Variants in SMAD1 observed in about 807,000 individuals in gnomAD.
The protein encoded by SMAD1 is SMAD family member 1, also known as MAD, mothers against decapentaplegic homolog 1.
A neutral mutation model predicts 41.6 loss-of-function variants in SMAD1; 6 were observed. The ratio of observed to expected loss-of-function variants is 0.14; its 90% CI spans 0.08 to 0.28. The LOEUF (loss-of-function observed/expected upper bound fraction) is 0.28, where lower values mean the gene tolerates loss of function less well. SMAD1 is among the 10% of genes least tolerant of loss of function. The pLI is 1.00. For synonymous variants in SMAD1, 206 were observed against 203.2 expected (o/e 1.01, Z -0.12); for missense variants, 379 against 582.6 (o/e 0.65, Z 3.60).
intron 1 of SMAD1, among the ~76,000 whole-genome samples, chr4:145,505,586 T>G (rs1179920348): frequency 6.7e-6 from 1 of 148,834 alleles, no homozygotes; most frequent in Non-Finnish European, 1.5e-5. Flanking sequence ...GCCACTGCAC[T>G]GCAGCCTGGG....
chr4:145,484,730 C>G (rs1728381525), intron 1 of SMAD1: 1 of 152,172 alleles, frequency 6.6e-6, no homozygotes, highest in African/African-American at 2.4e-5. Context: ...TGATAAGGAC[C>G]TTTGCAGCTC....
At chr4:145,506,953 G>A (rs144778555) in intron 1 of SMAD1, among the ~76,000 whole-genome samples, 160 of 152,214 alleles carry the variant, frequency 1.1e-3, no homozygotes, top group Middle Eastern at 3.4e-3. Context: ...TTAATTAGCC[G>A]TGTCGAGTAG....
intron 1 of SMAD1, among the ~76,000 whole-genome samples, chr4:145,496,357 A>C (rs574545776): frequency 6.6e-6 from 1 of 152,180 alleles, no homozygotes; most frequent in Non-Finnish European, 1.5e-5. Context: ...TTTGTCATCT[A>C]TAAAATAGTT....
chr4:145,495,169 A>G lies in SMAD1; in HGVS notation c.-177+13131A>G, dbSNP rs1728997998. 2.6e-5 allele frequency among the ~76,000 whole-genome samples: 4 copies of G among 152,316 alleles called. No homozygotes were observed. In the South Asian group the frequency reaches 8.3e-4, roughly 32 times the overall value. On this transcript the variant is annotated intron_variant, in intron 1 of 6. Coordinates refer to ENST00000302085, the MANE Select transcript of SMAD1 (RefSeq NM_005900.3). ...AAATAGCTTCTAGTGGGTAGAGGCC[A>G]GGGATGCAGCCAAACATCCTGTAAT...
intron 4 of SMAD1, chr4:145,544,379 A>G (rs1178403449): frequency 6.6e-6 from 1 of 152,358 alleles, no homozygotes; most frequent in Non-Finnish European, 1.5e-5. Flanking sequence ...TCAGGAGTTC[A>G]AGACCAGCCT....
chr4:145,544,749 A>G (rs1017289271), intron 4 of SMAD1: 1 of 152,112 alleles, frequency 6.6e-6, no homozygotes, highest in Non-Finnish European at 1.5e-5. Context: ...ATCTTATCAA[A>G]CATAATTCTG....
intron 6 of SMAD1, among the ~76,000 whole-genome samples, chr4:145,555,081 G>A (rs776089853): frequency 9.2e-5 from 14 of 151,926 alleles, no homozygotes; most frequent in Non-Finnish European, 4.4e-5. Flanking sequence ...GTTTTTGTGT[G>A]TTTGTTTGTT....
rs974542784 is a variant in SMAD1, at chr4:145,482,285, TCTC to T, written c.-177+248_-177+250del. ...GAGGAGCGAACCTGCTACCACGTCT[TCTC>T]GCGCCCAGCCCGCCGGGCTCCCCTG... On this transcript the variant is annotated intron_variant, in intron 1 of 6. Coordinates refer to ENST00000302085, the MANE Select transcript of SMAD1 (RefSeq NM_005900.3). This position sits in a 1 kb window ranked among gnomAD's most constrained non-coding sequence, Gnocchi z 4.2. Among the ~76,000 whole-genome samples the T allele has an allele frequency of 6.6e-5, 10 of 150,524 alleles. No individual in the cohort carries two copies. Among genetic ancestry groups the T allele is most frequent in the African/African-American group, 2.4e-4 (10 of 40,968 alleles).
At chr4:145,523,027 A>G (rs979221606) in intron 2 of SMAD1, among the ~76,000 whole-genome samples, 4 of 152,198 alleles carry the variant, frequency 2.6e-5, no homozygotes, top group Non-Finnish European at 5.9e-5. Context: ...ACTTCAGTCT[A>G]GTTCAAGTTT....
chr4:145,485,195 A>G (rs1310020816), intron 1 of SMAD1, among the ~76,000 whole-genome samples: 1 of 151,964 alleles, frequency 6.6e-6, no homozygotes, highest in African/African-American at 2.4e-5. Flanking sequence ...CAGCCTCCCA[A>G]GTTGCTGGGA....
rs763570070 is a variant in SMAD1 at position 145,542,562 on chromosome 4, C to T, written c.659-20C>T. On this transcript the variant is annotated intron_variant, in intron 3 of 6. Coordinates refer to ENST00000302085, the MANE Select transcript of SMAD1 (RefSeq NM_005900.3). Reference sequence around the variant, plus strand: ...ATGTTTACTAAGGGTTAAGAAATAACTTCTTTAAAAACTTTGTAGCTGATA... The same window carrying T: ...ATGTTTACTAAGGGTTAAGAAATAATTTCTTTAAAAACTTTGTAGCTGATA... 4.7e-6 allele frequency: 7 copies of T among 1,485,900 alleles called. No homozygotes were observed. The East Asian group carries it at 1.4e-4, about 29-fold the overall frequency. 92.0% of individuals were successfully genotyped at this position (1,485,900 alleles called of 1,614,324 possible).
intron 1 of SMAD1, among the ~76,000 whole-genome samples, chr4:145,494,303 T>C (rs1728940145): frequency 6.6e-6 from 1 of 152,208 alleles, no homozygotes; most frequent in Admixed American, 6.5e-5. Flanking sequence ...TGTATTTCTA[T>C]TTATGCTTAT....
intron 5 of SMAD1, among the ~76,000 whole-genome samples, chr4:145,549,245 C>T (rs1732422685): frequency 1.3e-5 from 2 of 152,134 alleles, no homozygotes; most frequent in Admixed American, 1.3e-4. Context: ...TTGAGATCAG[C>T]AGGCAAAACT....
upstream of SMAD1, chr4:145,481,781 G>C (rs1484780538): frequency 5.2e-6 from 1 of 193,088 alleles, no homozygotes; most frequent in African/African-American, 2.4e-5. Context: ...GGGCGGGCAG[G>C]CGAGTGCGCC....
chr4:145,541,239 C>T (rs1731914945), intron 3 of SMAD1, among the ~76,000 whole-genome samples: 1 of 152,178 alleles, frequency 6.6e-6, no homozygotes, highest in Non-Finnish European at 1.5e-5. Flanking sequence ...TGAATTTACA[C>T]TTTGTCCCTA....
chr4:145,502,769 T>C (rs1487056592), intron 1 of SMAD1: 1 of 152,224 alleles, frequency 6.6e-6, no homozygotes, highest in African/African-American at 2.4e-5. Context: ...TGAAATTGTT[T>C]GGCTGAAATT....
At chr4:145,527,724 A>G (rs1454971412) in intron 2 of SMAD1, among the ~76,000 whole-genome samples, 2 of 152,064 alleles carry the variant, frequency 1.3e-5, no homozygotes, top group Admixed American at 1.3e-4. Context: ...TTCTCTCAAC[A>G]AAAAGGAGGG....
At chr4:145,544,772 C>T (rs1001815847) in intron 4 of SMAD1, 2 of 152,016 alleles carry the variant, frequency 1.3e-5, no homozygotes, top group African/African-American at 2.4e-5. Context: ...TCAATGAACA[C>T]TCTGGTTGGG....
intron 6 of SMAD1, among the ~76,000 whole-genome samples, chr4:145,557,438 A>G (rs1344333010): frequency 6.6e-6 from 1 of 152,236 alleles, no homozygotes; most frequent in Non-Finnish European, 1.5e-5. Flanking sequence ...TGATAAAATG[A>G]GAATTTAATA....
Sources: gnomAD v4.1 joint callset for allele counts (sites outside exome capture counted in the v4.1 genomes callset) on GRCh38, gnomAD v4.1.1 for gene constraint, Gnocchi (gnomAD v3.1) non-coding constraint, MANE v1.5 for transcripts, NCBI Gene and HGNC (gene_info 2026-07-23, HGNC 2026-07-21) for gene names.